TENM1: variants seen among roughly 807,000 people sequenced by gnomAD.
The protein encoded by TENM1 is teneurin transmembrane protein 1, also known as teneurin-1.
In TENM1, 35 loss-of-function variants were observed where a neutral mutation model predicts 174.8. The ratio of observed to expected loss-of-function variants is 0.20; its 90% CI spans 0.15 to 0.27. The LOEUF (loss-of-function observed/expected upper bound fraction) is 0.27, where lower values mean the gene tolerates loss of function less well. Ranked by LOEUF, TENM1 falls within the 10% of genes least tolerant of loss-of-function variation. The pLI, the probability that TENM1 is intolerant of heterozygous loss-of-function variation, is 1.00. For synonymous variants in TENM1, 781 were observed against 798.7 expected (o/e 0.98, Z 0.37); for missense variants, 1,633 against 2,130.1 (o/e 0.77, Z 4.59).
At chrX:124,594,286 G>C (rs1270381725) in intron 11 of TENM1, among the ~76,000 whole-genome samples, 1 of 111,563 alleles carries the variant, frequency 9.0e-6, no homozygotes, top group Admixed American at 9.5e-5. Flanking sequence ...CTGGGATCTG[G>C]AGTGTCCTTC....
chrX:125,048,369 T>G, the TENM1 span, among the ~76,000 whole-genome samples: 1 of 108,443 alleles, frequency 9.2e-6, no homozygotes, highest in Non-Finnish European at 1.9e-5. Context: ...CAAGTGATTT[T>G]CCCTACCTCA....
chrX:124,404,363 T>C (rs1445337801), intron 27 of TENM1, among the ~76,000 whole-genome samples: 2 of 111,243 alleles, frequency 1.8e-5, no homozygotes, highest in African/African-American at 6.5e-5. Flanking sequence ...ATGGCGATTG[T>C]AGGCTTTGTG....
chrX:124,887,651 G>T (rs774480130), intron 3 of TENM1, among the ~76,000 whole-genome samples: 1 of 111,147 alleles, frequency 9.0e-6, no homozygotes, highest in Non-Finnish European at 1.9e-5. Flanking sequence ...TTTTAATTTT[G>T]AATATCACAG....
chrX:124,454,713 T>C (rs2061085604), intron 22 of TENM1, among the ~76,000 whole-genome samples: 1 of 112,066 alleles, frequency 8.9e-6, no homozygotes, highest in African/African-American at 3.2e-5. Context: ...TAGGTCGTTA[T>C]ATCATATGAA....
the TENM1 span, among the ~76,000 whole-genome samples, chrX:124,978,345 C>T: frequency 1.2e-4 from 13 of 111,758 alleles, no homozygotes; most frequent in African/African-American, 3.2e-4. Flanking sequence ...AGACACTCAG[C>T]GACAGTTTAT....
At chrX:124,568,801 G>A (rs114743318) in intron 11 of TENM1, among the ~76,000 whole-genome samples, 1,205 of 111,614 alleles carry the variant, frequency 0.011, 13 homozygotes, top group African/African-American at 0.037. Flanking sequence ...TTTTCCTATA[G>A]CAGCATCTGT....
the TENM1 span, among the ~76,000 whole-genome samples, chrX:125,198,874 T>TG: frequency 9.3e-6 from 1 of 107,543 alleles, no homozygotes; most frequent in Non-Finnish European, 1.9e-5. Context: ...TGGGCAGGGG[T>TG]GGGGGCAGGG....
intron 25 of TENM1, among the ~76,000 whole-genome samples, chrX:124,418,491 A>T (rs990884529): frequency 9.0e-6 from 1 of 110,609 alleles, no homozygotes; most frequent in Admixed American, 9.7e-5. Context: ...CACCCACTTG[A>T]TCTCCCTTAC....
chrX:124,759,998 C>A (rs991468584), intron 3 of TENM1, among the ~76,000 whole-genome samples: 2 of 111,473 alleles, frequency 1.8e-5, no homozygotes, highest in Non-Finnish European at 3.8e-5. Flanking sequence ...AACCAGACTG[C>A]TGGTCCCGGA....
At chrX:124,712,258 G>A (rs1275135110) in intron 4 of TENM1, among the ~76,000 whole-genome samples, 2 of 111,184 alleles carry the variant, frequency 1.8e-5, no homozygotes, top group Non-Finnish European at 3.8e-5. Flanking sequence ...ACTTTTCGGA[G>A]GAACTTCCAT....
chrX:125,096,059 T>C, the TENM1 span, among the ~76,000 whole-genome samples: 14 of 112,173 alleles, frequency 1.2e-4, no homozygotes, highest in East Asian at 3.9e-3. Context: ...TGTCCAGTCC[T>C]GCTCATCATT....
intron 16 of TENM1, among the ~76,000 whole-genome samples, chrX:124,524,267 T>C (rs1444263346): frequency 8.9e-6 from 1 of 111,891 alleles, no homozygotes; most frequent in Non-Finnish European, 1.9e-5. Context: ...CCCCTTATGC[T>C]AAAGATAACA....
the TENM1 span, among the ~76,000 whole-genome samples, chrX:125,001,925 T>TCACACACA: frequency 5.7e-4 from 38 of 67,251 alleles, no homozygotes; most frequent in African/African-American, 1.7e-3. Context: ...TCTAGAGAGA[T>TCACACACA]CACACACACA....
At chrX:124,748,232 A>T (rs1349182932) in intron 3 of TENM1, among the ~76,000 whole-genome samples, 1 of 111,444 alleles carries the variant, frequency 9.0e-6, no homozygotes, top group East Asian at 2.8e-4. Context: ...CCTCTTTTCC[A>T]TACTTACAGT....
At chrX:124,621,228 A>G (rs962560854) in intron 11 of TENM1, among the ~76,000 whole-genome samples, 4 of 111,900 alleles carry the variant, frequency 3.6e-5, no homozygotes, top group African/African-American at 1.3e-4. Flanking sequence ...TAATCCAAGC[A>G]CTTGTGCAGG....
intron 1 of TENM1, among the ~76,000 whole-genome samples, chrX:124,900,792 T>TTC (rs2057648451): frequency 1.1e-5 from 1 of 90,475 alleles, no homozygotes; most frequent in Non-Finnish European, 2.0e-5. Flanking sequence ...CTTCTTCTTC[T>TTC]TTTTTTTTTT....
chrX:124,568,321 T>C (rs2048984541), intron 11 of TENM1, among the ~76,000 whole-genome samples: 1 of 111,223 alleles, frequency 9.0e-6, no homozygotes, highest in Non-Finnish European at 1.9e-5. Context: ...ATCTCCAGCA[T>C]AAAGTTGGAG....
chrX:124,733,457 C>A (rs889105905), intron 4 of TENM1, among the ~76,000 whole-genome samples: 5 of 111,980 alleles, frequency 4.5e-5, no homozygotes, highest in Non-Finnish European at 9.4e-5. Context: ...GCACTTTCTA[C>A]TACGTTAGTT....
In TENM1 at chrX:124,380,756, C is replaced by T. The variant is rs973805013; in HGVS notation, c.7979G>A (p.Arg2660His). Residue 2660 changes from arginine to histidine, a missense_variant, in exon 32 of 32, where the codon CGC becomes CAC. Around this residue, in one of 4 missense-constraint regions of TENM1, gnomAD observed 807 missense variants for 1,125.3 expected, o/e 0.72. Coordinates refer to ENST00000422452, the Ensembl canonical transcript of TENM1. ...CTTAGTCCAGGCCTGGGCCACTGCGCGCTGTCTGGCAATCTCCAACACGTG... is the reference window on the plus strand; with the variant it reads ...CTTAGTCCAGGCCTGGGCCACTGCGTGCTGTCTGGCAATCTCCAACACGTG... 4 of 1,209,626 alleles carry T rather than the reference C, an allele frequency of 3.3e-6. No homozygotes were observed. Among genetic ancestry groups the T allele is most frequent in the Admixed American group, 4.4e-5 (2 of 45,714 alleles).
Sources: allele counts gnomAD v4.1 joint callset (sites outside exome capture counted in the v4.1 genomes callset), GRCh38; gene constraint gnomAD v4.1.1; regional missense constraint gnomAD v4.1.1; transcripts MANE v1.5; gene names NCBI Gene and HGNC (gene_info 2026-07-23, HGNC 2026-07-21).